Variants in WDR7 observed in about 807,000 individuals in gnomAD.
WDR7 encodes the protein WD repeat domain 7, also known as WD repeat-containing protein 7.
Under a neutral mutation model 169.4 loss-of-function variants are expected in WDR7, and 46 were observed. The observed-to-expected ratio is 0.27, with a 90% CI of 0.21 to 0.35. The LOEUF is 0.35. Ranked by LOEUF, WDR7 falls within the 10% of genes least tolerant of loss-of-function variation. The pLI, the probability that WDR7 is intolerant of heterozygous loss-of-function variation, is 1.00. For missense variants in WDR7, 1,534 were observed against 1,859.3 expected, an observed-to-expected ratio of 0.83 and a Z score of 3.22; for synonymous variants, 612 against 666.8, an observed-to-expected ratio of 0.92 and a Z score of 1.27.
rs987754583 is a variant in WDR7 at position 56,905,639 on chromosome 18, A to G, written c.3527-18283A>G. 2.1e-4 allele frequency among the ~76,000 whole-genome samples: 31 copies of G among 150,686 alleles called. No individual in the cohort carries two copies. The South Asian group carries it at 6.4e-3, about 31-fold the overall frequency. On this transcript the variant is annotated intron_variant, in intron 21 of 27. Coordinates refer to ENST00000254442, the MANE Select transcript of WDR7 (RefSeq NM_015285.3). ...ATTATGAAACTATATATATATATATATATCATATGAAATTATACAGGTGCT... is the reference window on the plus strand; with the variant it reads ...ATTATGAAACTATATATATATATATGTATCATATGAAATTATACAGGTGCT...
At chr18:56,897,689 G>A (rs867725133) in intron 21 of WDR7, among the ~76,000 whole-genome samples, 1 of 151,742 alleles carries the variant, frequency 6.6e-6, no homozygotes, top group African/African-American at 2.4e-5. Flanking sequence ...TAAAAGAAGG[G>A]CATAAAAATG....
intron 19 of WDR7, among the ~76,000 whole-genome samples, chr18:56,811,186 A>G (rs188535567): frequency 6.6e-6 from 1 of 152,318 alleles, no homozygotes; most frequent in East Asian, 1.9e-4. Context: ...CAGTTGATGA[A>G]CATTTGGATA....
intron 5 of WDR7, among the ~76,000 whole-genome samples, chr18:56,683,876 C>T (rs1029604260): frequency 3.9e-5 from 6 of 152,134 alleles, no homozygotes; most frequent in Admixed American, 1.3e-4. Flanking sequence ...AAATATTTAT[C>T]GAATGCCTAC....
intron 11 of WDR7, 28 bp from the exon 12 acceptor site, chr18:56,696,214 C>T: frequency 3.2e-6 from 5 of 1,554,498 alleles, no homozygotes; most frequent in East Asian, 2.3e-5. Flanking sequence ...TTAATTTTCC[C>T]ATTTTAAATC....
intron 20 of WDR7, among the ~76,000 whole-genome samples, chr18:56,854,556 A>T (rs1399336189): frequency 6.6e-6 from 1 of 152,196 alleles, no homozygotes; most frequent in Admixed American, 6.5e-5. Context: ...AAGCATGGAC[A>T]TCCATGTATT....
At chr18:57,003,473 G>A (rs896117527) in intron 26 of WDR7, among the ~76,000 whole-genome samples, 12 of 151,916 alleles carry the variant, frequency 7.9e-5, no homozygotes, top group Non-Finnish European at 1.5e-5. Context: ...TACTCAGAGA[G>A]AGTGATCTAG....
chr18:56,686,282 A>G (rs1426350788), intron 6 of WDR7, among the ~76,000 whole-genome samples: 1 of 152,160 alleles, frequency 6.6e-6, no homozygotes, highest in Non-Finnish European at 1.5e-5. Context: ...CAGGATATGT[A>G]GAGGAGAAAC....
intron 26 of WDR7, among the ~76,000 whole-genome samples, chr18:56,981,386 A>G (rs547734253): frequency 1.8e-4 from 27 of 152,310 alleles, no homozygotes; most frequent in African/African-American, 6.5e-4. Context: ...GTATTTAGCT[A>G]TATGCATGGC....
chr18:56,679,254 C>A, intron 2 of WDR7, 78 bp from the exon 3 acceptor site: 1 of 1,225,406 alleles, frequency 8.2e-7, no homozygotes, highest in Non-Finnish European at 1.2e-6. Context: ...TTCTATTTTA[C>A]TATGGCTAAG....
At chr18:56,852,985 G>T (rs73958369) in intron 20 of WDR7, among the ~76,000 whole-genome samples, 5,529 of 152,176 alleles carry the variant, frequency 0.036, 355 homozygotes, top group African/African-American at 0.13. Flanking sequence ...ATAGATTTAG[G>T]TTTATTGAAT....
intron 19 of WDR7, among the ~76,000 whole-genome samples, 158 bp from the exon 20 acceptor site, chr18:56,815,873 G>A (rs1036936973): frequency 2.0e-5 from 3 of 152,024 alleles, no homozygotes; most frequent in African/African-American, 7.2e-5. Context: ...ACACGTGAAT[G>A]TTTTATTCAT....
At chr18:56,784,255 T>A (rs72916629) in intron 19 of WDR7, among the ~76,000 whole-genome samples, 11,607 of 152,228 alleles carry the variant, frequency 0.076, 537 homozygotes, top group East Asian at 0.18. Context: ...TTCCTTTTTT[T>A]AAAAAATTAT....
intron 26 of WDR7, among the ~76,000 whole-genome samples, chr18:56,982,275 A>G (rs766253454): frequency 2.0e-5 from 3 of 152,206 alleles, no homozygotes; most frequent in Non-Finnish European, 4.4e-5. Context: ...CAGCTTCTGA[A>G]TATTCTTAAA....
chr18:56,757,692 C>T (rs1433166706), intron 15 of WDR7, among the ~76,000 whole-genome samples: 2 of 152,064 alleles, frequency 1.3e-5, no homozygotes, highest in African/African-American at 4.8e-5. Context: ...ATATTTGAGG[C>T]TGGGCATGGT....
intron 21 of WDR7, among the ~76,000 whole-genome samples, chr18:56,891,850 A>G (rs575677034): frequency 6.6e-6 from 1 of 152,026 alleles, no homozygotes; most frequent in Non-Finnish European, 1.5e-5. Flanking sequence ...AACACTAAAT[A>G]TTTTTGTAAT....
At chr18:56,991,951 T>C (rs1483668011) in intron 26 of WDR7, among the ~76,000 whole-genome samples, 1 of 152,260 alleles carries the variant, frequency 6.6e-6, no homozygotes, top group African/African-American at 2.4e-5. Flanking sequence ...GTATTTTGCC[T>C]GATTTTTAAT....
At chr18:56,997,525 C>A (rs2047915108) in intron 26 of WDR7, among the ~76,000 whole-genome samples, 1 of 152,158 alleles carries the variant, frequency 6.6e-6, no homozygotes, top group Non-Finnish European at 1.5e-5. Context: ...GGGTGCTTAT[C>A]TCTATTTGGA....
At chr18:56,934,055 T>C (rs2046925539) in intron 22 of WDR7, among the ~76,000 whole-genome samples, 2 of 152,244 alleles carry the variant, frequency 1.3e-5, no homozygotes, top group Non-Finnish European at 2.9e-5. Flanking sequence ...TGTAGAATTA[T>C]TCAATTAATG....
chr18:56,679,487 G>T, intron 3 of WDR7, 49 bp downstream of exon 3: 4 of 1,384,724 alleles, frequency 2.9e-6, no homozygotes, highest in Admixed American at 1.8e-5. Context: ...TTTATAACTA[G>T]CACCAATGCC....
Sources: allele counts gnomAD v4.1 joint callset (sites outside exome capture counted in the v4.1 genomes callset), GRCh38; gene constraint gnomAD v4.1.1; transcripts MANE v1.5; gene names NCBI Gene and HGNC (gene_info 2026-07-23, HGNC 2026-07-21).